VPS13B: variants seen among roughly 807,000 people sequenced by gnomAD.
VPS13B encodes intermembrane lipid transfer protein VPS13B.
A neutral mutation model predicts 426.4 loss-of-function variants in VPS13B; 285 were observed. That is an observed-to-expected ratio of 0.67 (90% CI 0.61 to 0.74). The LOEUF is 0.74. Among genes scored for constraint, VPS13B ranks in the 30% least tolerant of loss-of-function variants. The probability of loss-of-function intolerance (pLI) is 0.00; values close to 1 mark genes in which losing one functional copy is unlikely to be tolerated. For missense variants in VPS13B, 4,537 were observed against 4,782.6 expected (o/e 0.95, Z 1.51); for synonymous variants, 1,676 against 1,676.4 (o/e 1.00, Z 0.01).
intron 33 of VPS13B, among the ~76,000 whole-genome samples, chr8:99,588,711 G>C (rs1427316485): frequency 2.6e-5 from 4 of 151,642 alleles, no homozygotes; most frequent in African/African-American, 7.3e-5. Context: ...AGGAGATTTT[G>C]GGCTGAGACG....
chr8:99,607,322 A>C (rs1251802261), intron 33 of VPS13B, among the ~76,000 whole-genome samples: 1 of 152,198 alleles, frequency 6.6e-6, no homozygotes, highest in Non-Finnish European at 1.5e-5. Flanking sequence ...ATGGAGCCCA[A>C]GATTAATGAC....
chr8:99,804,995 T>C (rs1813315486), intron 43 of VPS13B, among the ~76,000 whole-genome samples: 1 of 151,872 alleles, frequency 6.6e-6, no homozygotes, highest in South Asian at 2.1e-4. Context: ...GTTGACTCTA[T>C]CTCTAAAACA....
intron 16 of VPS13B, among the ~76,000 whole-genome samples, chr8:99,181,531 G>A (rs1344379705): frequency 1.3e-5 from 2 of 152,178 alleles, no homozygotes; most frequent in African/African-American, 4.8e-5. Context: ...TGTAAAAGGG[G>A]CAATTCTTAA....
At chr8:99,332,722 C>G (rs1170475442) in intron 19 of VPS13B, among the ~76,000 whole-genome samples, 1 of 151,494 alleles carries the variant, frequency 6.6e-6, no homozygotes, top group Admixed American at 6.6e-5. Flanking sequence ...CCAGACTCTC[C>G]CTAATAAAAT....
At chr8:99,204,609 AT>A (rs1417785332) in intron 17 of VPS13B, among the ~76,000 whole-genome samples, 2 of 152,224 alleles carry the variant, frequency 1.3e-5, no homozygotes, top group African/African-American at 4.8e-5. Flanking sequence ...TAATCTGTTT[AT>A]TTGACAAAGG....
Position 99,778,891 on chromosome 8 carries a change from A to G in VPS13B, c.7639A>G (p.Ser2547Gly), listed in dbSNP as rs140061281. 1.7e-4 allele frequency: 281 copies of G among 1,613,920 alleles called. No individual in the cohort carries two copies. Among genetic ancestry groups the G allele is most frequent in the Non-Finnish European group, 2.3e-4 (270 of 1,179,938 alleles). ...TATGCAAAGTGTGGTGAAACCCTTC[A>G]GCATCTTCGGGCAGATGGCAGTTTC... ...VTMQSVVKPFSIFGQMAVSSD... is the reference protein window; with the variant it reads ...VTMQSVVKPFGIFGQMAVSSD... Residue 2547 changes from serine (S) to glycine (G), a missense_variant, in exon 42 of 62, where the codon AGC becomes GGC. Ser to Gly is a moderately conservative substitution (Grantham distance 56). Around this residue, in one of 2 missense-constraint regions of VPS13B, gnomAD observed 4,311 missense variants for 4,474.3 expected, o/e 0.96. Transcript: ENST00000357162.
intron 21 of VPS13B, among the ~76,000 whole-genome samples, chr8:99,403,315 G>A (rs766320587): frequency 7.9e-5 from 12 of 152,030 alleles, no homozygotes; most frequent in Non-Finnish European, 1.5e-4. Flanking sequence ...TTAAGAGGTC[G>A]AGGTGGGCAG....
At chr8:99,302,018 A>G (rs952645835) in intron 19 of VPS13B, among the ~76,000 whole-genome samples, 10 of 152,188 alleles carry the variant, frequency 6.6e-5, no homozygotes, top group Non-Finnish European at 5.9e-5. Context: ...CAGTACTCAT[A>G]GTGTCAAATA....
intron 48 of VPS13B, 23 bp downstream of exon 48, chr8:99,819,605 T>C: frequency 6.2e-7 from 1 of 1,611,184 alleles, no homozygotes; most frequent in Non-Finnish European, 8.5e-7. Flanking sequence ...AGTGATCTTT[T>C]TCTACAAAAA....
At chr8:99,203,629 A>C (rs1298595129) in intron 17 of VPS13B, among the ~76,000 whole-genome samples, 6 of 152,224 alleles carry the variant, frequency 3.9e-5, no homozygotes, top group Non-Finnish European at 5.9e-5. Context: ...GTCTCAGCCC[A>C]AAATCTCCTT....
chr8:99,851,953 G>A (rs1816316610), intron 55 of VPS13B, among the ~76,000 whole-genome samples: 1 of 152,116 alleles, frequency 6.6e-6, no homozygotes, highest in African/African-American at 2.4e-5. Context: ...CTAGTTAGGA[G>A]AGGATTACAG....
intron 44 of VPS13B, among the ~76,000 whole-genome samples, chr8:99,813,286 G>A (rs1465452926): frequency 6.6e-6 from 1 of 152,134 alleles, no homozygotes; most frequent in East Asian, 1.9e-4. Context: ...AACCCACCAA[G>A]AGGATCTTTG....
intron 2 of VPS13B, among the ~76,000 whole-genome samples, chr8:99,014,162 A>C (rs1256554681): frequency 7.9e-6 from 1 of 126,176 alleles, no homozygotes; most frequent in Admixed American, 9.9e-5. Context: ...TTGTCGCCCA[A>C]GCTGGAGTGC....
At chr8:99,609,239 ATT>A (rs1433974998) in intron 33 of VPS13B, among the ~76,000 whole-genome samples, 3 of 152,320 alleles carry the variant, frequency 2.0e-5, no homozygotes, top group Admixed American at 6.5e-5. Flanking sequence ...TTTGGAAAAT[ATT>A]TGTTTAGTTA....
chr8:99,490,833 T>G (rs1479460917), intron 25 of VPS13B, among the ~76,000 whole-genome samples: 5 of 152,180 alleles, frequency 3.3e-5, no homozygotes, highest in Non-Finnish European at 7.4e-5. Context: ...TCTACTCTGT[T>G]GATCTTTTCA....
rs184856787 is a variant in VPS13B at position 99,591,211 on chromosome 8, C to T, written c.5220+13578C>T. ...CTTTCCATTTGCTTGGTAGATCTTC[C>T]TCCATCCCTTTATTTTGAGTCTATG... On this transcript the variant is annotated intron_variant, in intron 33 of 61. Transcript: ENST00000357162. Among the ~76,000 whole-genome samples, 571 of 140,764 alleles carry T rather than the reference C, an allele frequency of 4.1e-3. 3 individuals carry two copies. The highest frequency in any genetic ancestry group is 0.012 in the African/African-American group (454 of 38,596). 92.3% of individuals were successfully genotyped at this position (140,764 alleles called of 152,430 possible). A position where few individuals can be genotyped will look rare whatever the true frequency, so the allele number is the denominator to read the frequency against.
At chr8:99,147,135 G>C (rs1015608630) in intron 13 of VPS13B, among the ~76,000 whole-genome samples, 4 of 152,126 alleles carry the variant, frequency 2.6e-5, no homozygotes, top group African/African-American at 9.7e-5. Flanking sequence ...TATTTAAGAT[G>C]TAGTCTCGCT....
chr8:99,176,229 G>A (rs914399732), intron 16 of VPS13B, among the ~76,000 whole-genome samples: 1 of 152,072 alleles, frequency 6.6e-6, no homozygotes, highest in African/African-American at 2.4e-5. Flanking sequence ...CTGCCTCCTG[G>A]GCTGAAGTGA....
intron 31 of VPS13B, among the ~76,000 whole-genome samples, chr8:99,569,317 T>G (rs1825354061): frequency 6.6e-6 from 1 of 151,754 alleles, no homozygotes. Flanking sequence ...TAGCCCTAAC[T>G]ACTTAGGAGG....
Sources: allele counts gnomAD v4.1 joint callset (sites outside exome capture counted in the v4.1 genomes callset), GRCh38; gene constraint gnomAD v4.1.1; regional missense constraint gnomAD v4.1.1; transcripts MANE v1.5; gene names NCBI Gene and HGNC (gene_info 2026-07-23, HGNC 2026-07-21).